Variants in KCNH5 observed in about 807,000 individuals in gnomAD.
The protein encoded by KCNH5 is voltage-gated delayed rectifier potassium channel KCNH5.
KCNH5 carries 46 observed loss-of-function variants against 96.1 expected under a neutral mutation model. That is an observed-to-expected ratio of 0.48 (90% confidence interval 0.38 to 0.61). The LOEUF (loss-of-function observed/expected upper bound fraction) is 0.61, where lower values mean the gene tolerates loss of function less well. Among genes scored for constraint, KCNH5 ranks in the 20% least tolerant of loss-of-function variants. The probability of loss-of-function intolerance (pLI) is 0.00; values close to 1 mark genes in which losing one functional copy is unlikely to be tolerated. For synonymous variants in KCNH5, 439 were observed against 449.8 expected, an observed-to-expected ratio of 0.98 and a Z score of 0.30; for missense variants, 907 against 1,225.8, an observed-to-expected ratio of 0.74 and a Z score of 3.88.
chr14:62,779,012 C>T (rs1223824004), intron 10 of KCNH5, among the ~76,000 whole-genome samples: 2 of 152,210 alleles, frequency 1.3e-5, no homozygotes, highest in East Asian at 1.9e-4. Context: ...TCACCACAGA[C>T]AGGCGATCAT....
chr14:62,863,236 A>G (rs1466824015), intron 7 of KCNH5, among the ~76,000 whole-genome samples: 3 of 152,198 alleles, frequency 2.0e-5, no homozygotes, highest in Non-Finnish European at 4.4e-5. Context: ...CTATATTTAC[A>G]TCAAAGATAC....
intron 7 of KCNH5, among the ~76,000 whole-genome samples, chr14:62,911,458 C>A (rs187795925): frequency 4.0e-5 from 6 of 151,842 alleles, no homozygotes; most frequent in African/African-American, 1.4e-4. Flanking sequence ...AGAATGTTTC[C>A]ATGGAACTTG....
chr14:62,826,108 G>A (rs143102493), intron 8 of KCNH5, among the ~76,000 whole-genome samples: 2 of 152,118 alleles, frequency 1.3e-5, no homozygotes, highest in East Asian at 1.9e-4. Context: ...ATGTCTTAAA[G>A]TATTATATTA....
intron 1 of KCNH5, among the ~76,000 whole-genome samples, chr14:63,017,751 T>C (rs1354908174): frequency 6.6e-6 from 1 of 151,446 alleles, no homozygotes; most frequent in Admixed American, 6.6e-5. Context: ...TTAATATAAA[T>C]AATTTAAAAG....
intron 9 of KCNH5, among the ~76,000 whole-genome samples, chr14:62,784,540 A>G (rs891544935): frequency 7.9e-5 from 12 of 152,184 alleles, no homozygotes; most frequent in Non-Finnish European, 7.3e-5. Context: ...TTTCTACATT[A>G]AAAAACAGCA....
intron 7 of KCNH5, among the ~76,000 whole-genome samples, chr14:62,908,947 T>C (rs1244294758): frequency 6.6e-6 from 1 of 151,010 alleles, no homozygotes; most frequent in Non-Finnish European, 1.5e-5. Flanking sequence ...AAATGACTCT[T>C]TGAGCAAACT....
intron 9 of KCNH5, among the ~76,000 whole-genome samples, chr14:62,797,917 A>G (rs1886573494): frequency 6.6e-6 from 1 of 152,000 alleles, no homozygotes; most frequent in Non-Finnish European, 1.5e-5. Flanking sequence ...GGGTTTCACC[A>G]TGTTGGCCAG....
At position 63,013,784 on chromosome 14, in the gene KCNH5, A is replaced by C. The variant is rs537664520; in HGVS notation, c.197+3047T>G. Among the ~76,000 whole-genome samples, 3 of 152,100 alleles carry C rather than the reference A, an allele frequency of 2.0e-5. No individual in the cohort carries two copies. In the South Asian group the frequency reaches 6.2e-4, roughly 32 times the overall value. On this transcript the variant is annotated intron_variant, in intron 2 of 10. Coordinates refer to ENST00000322893, the MANE Select transcript of KCNH5 (RefSeq NM_139318.5). ...TGATAATATGTTGTTAGTTTTTTCC[A>C]GTGTCATTATCCTTCCAGTATATAC...
intron 7 of KCNH5, among the ~76,000 whole-genome samples, chr14:62,909,030 GTATTTTTTTTT>G (rs1566703780): frequency 5.0e-5 from 5 of 100,784 alleles, no homozygotes; most frequent in Middle Eastern, 6.3e-3. Context: ...ACTATGCTAC[GTATTTTTTTTT>G]TTTTTTTTTT....
intron 10 of KCNH5, among the ~76,000 whole-genome samples, chr14:62,733,146 G>C (rs1885086132): frequency 6.6e-6 from 1 of 152,056 alleles, no homozygotes. Context: ...CTTCTTTCCT[G>C]CTGGGTCCCA....
intron 2 of KCNH5, among the ~76,000 whole-genome samples, chr14:63,015,401 A>G (rs1891307197): frequency 6.6e-6 from 1 of 152,040 alleles, no homozygotes; most frequent in Non-Finnish European, 1.5e-5. Context: ...ATGATGAAGG[A>G]TATCTAGAGA....
Position 62,708,359 on chromosome 14 carries a change from C to A in KCNH5, c.2116G>T (p.Val706Phe), listed in dbSNP as rs1595587815. The change falls in exon 11 of 11, where the codon GTC (valine) becomes TTC (phenylalanine). Residue 706 changes from valine (V) to phenylalanine (F), a missense_variant. Transcript: ENST00000322893. The stretch of plus-strand genomic sequence containing the variant: ...TTGAACTTCTGGAAGAGCTTTCTGA[C>A]TGGGTGGTCCACGGGAATGCTGAGG... Reference protein sequence around the residue: ...VTLSIPVDHPVRKLFQKFKQQ... With the variant: ...VTLSIPVDHPFRKLFQKFKQQ... 3 of 1,613,920 alleles carry A rather than the reference C, an allele frequency of 1.9e-6. No individual in the cohort carries two copies. In the South Asian group the frequency reaches 3.3e-5, roughly 18 times the overall value.
chr14:62,952,525 C>T (rs1468826189), intron 6 of KCNH5, among the ~76,000 whole-genome samples: 1 of 152,126 alleles, frequency 6.6e-6, no homozygotes, highest in Non-Finnish European at 1.5e-5. Context: ...ATGAAAAACT[C>T]AAACAGAGTT....
At chr14:62,828,426 G>A (rs1222234517) in intron 8 of KCNH5, among the ~76,000 whole-genome samples, 1 of 152,128 alleles carries the variant, frequency 6.6e-6, no homozygotes, top group East Asian at 1.9e-4. Flanking sequence ...GGTAATTTAT[G>A]TAGAGATGAG....
At chr14:62,895,153 C>A (rs998285862) in intron 7 of KCNH5, among the ~76,000 whole-genome samples, 2 of 152,084 alleles carry the variant, frequency 1.3e-5, no homozygotes, top group African/African-American at 2.4e-5. Flanking sequence ...AAGGTTCTTT[C>A]CTACATCTAT....
chr14:62,869,588 C>T (rs1187109681), intron 7 of KCNH5, among the ~76,000 whole-genome samples: 2 of 152,128 alleles, frequency 1.3e-5, no homozygotes, highest in African/African-American at 4.8e-5. Context: ...GTGTTTCAGT[C>T]ATGAAGTTTT....
At chr14:62,850,494 A>G (rs1298927279) in intron 7 of KCNH5, among the ~76,000 whole-genome samples, 1 of 152,128 alleles carries the variant, frequency 6.6e-6, no homozygotes, top group Non-Finnish European at 1.5e-5. Context: ...TAATTATTCC[A>G]GTGATTTTTT....
At chr14:62,948,150 C>T (rs1889929266) in intron 7 of KCNH5, among the ~76,000 whole-genome samples, 1 of 152,146 alleles carries the variant, frequency 6.6e-6, no homozygotes, top group Admixed American at 6.5e-5. Context: ...CTACAAAGGA[C>T]ATGAACGCAT....
chr14:62,998,157 A>G (rs552230673), intron 4 of KCNH5, among the ~76,000 whole-genome samples: 2 of 152,262 alleles, frequency 1.3e-5, no homozygotes, highest in Admixed American at 6.5e-5. Context: ...TTAATTTTTT[A>G]AATAAATAAA....
Sources: gnomAD v4.1 joint callset for allele counts (sites outside exome capture counted in the v4.1 genomes callset) on GRCh38, gnomAD v4.1.1 for gene constraint, MANE v1.5 for transcripts, NCBI Gene and HGNC (gene_info 2026-07-23, HGNC 2026-07-21) for gene names.